METTL8: variants seen among roughly 807,000 people sequenced by gnomAD.
The protein encoded by METTL8 is methyltransferase 8, tRNA N3-cytidine.
In METTL8, 32 loss-of-function variants were observed where a neutral mutation model predicts 48.7. That is an observed-to-expected ratio of 0.66 (90% CI 0.50 to 0.88). The LOEUF is 0.88. METTL8 is among the 40% of genes least tolerant of loss of function. The pLI, the probability that METTL8 is intolerant of heterozygous loss-of-function variation, is 0.00. For synonymous variants in METTL8, 136 were observed against 157.1 expected (o/e 0.87, Z 1.01); for missense variants, 464 against 474.4 (o/e 0.98, Z 0.20).
chr2:171,317,229 A>G lies in METTL8; in HGVS notation c.*6943T>C, dbSNP rs1684304687. On this transcript the variant is annotated 3_prime_UTR_variant, in exon 10 of 10. Transcript: ENST00000375258. ...TCCTCCAGTGTTTTTTGAAACAACCAACACTTGATATATAAAGGTTAACTG... is the reference window on the plus strand; with the variant it reads ...TCCTCCAGTGTTTTTTGAAACAACCGACACTTGATATATAAAGGTTAACTG... Among the ~76,000 whole-genome samples the G allele has an allele frequency of 6.6e-6, 1 of 152,224 alleles. No homozygotes were observed. Among genetic ancestry groups the G allele is most frequent in the Admixed American group, 6.5e-5 (1 of 15,282 alleles).
Position 171,323,441 on chromosome 2 carries a change from C to T in METTL8, c.*731G>A. 1 of 152,466 alleles carries T rather than the reference C, an allele frequency of 6.6e-6. No homozygotes were observed. Among genetic ancestry groups the T allele is most frequent in the Non-Finnish European group, 1.5e-5 (1 of 68,448 alleles). 9.4% of individuals were successfully genotyped at this position (152,466 alleles called of 1,614,324 possible). On this transcript the variant is annotated 3_prime_UTR_variant, in exon 10 of 10. Coordinates refer to ENST00000375258, the MANE Select transcript of METTL8 (RefSeq NM_001321154.2). ...GAGAGACAGGGTTTTGCCATGTTGT[C>T]CAGGCTGGTCTTGAACTCCTGAGCT...
chr2:171,417,706 A>T (rs1691455306), intron 1 of METTL8, among the ~76,000 whole-genome samples: 1 of 152,208 alleles, frequency 6.6e-6, no homozygotes, highest in Non-Finnish European at 1.5e-5. Flanking sequence ...TGCATTTTTA[A>T]AGTAAACTTT....
At chr2:171,426,405 G>A (rs1692422368) in intron 1 of METTL8, among the ~76,000 whole-genome samples, 1 of 152,180 alleles carries the variant, frequency 6.6e-6, no homozygotes, top group African/African-American at 2.4e-5. Flanking sequence ...AAAGAGGAAA[G>A]AGGGATCTGG....
intron 2 of METTL8, among the ~76,000 whole-genome samples, chr2:171,364,173 T>C (rs1013604635): frequency 5.3e-5 from 8 of 152,136 alleles, no homozygotes; most frequent in Admixed American, 2.6e-4. Context: ...AGGGTGAAGA[T>C]TCTAAGTGGT....
chr2:171,395,457 A>C (rs542192031), intron 1 of METTL8, among the ~76,000 whole-genome samples: 1 of 152,238 alleles, frequency 6.6e-6, no homozygotes, highest in Non-Finnish European at 1.5e-5. Flanking sequence ...ACTGTTTATA[A>C]GGCAAGCACT....
chr2:171,429,295 G>A (rs935968845), intron 1 of METTL8, among the ~76,000 whole-genome samples: 15 of 152,170 alleles, frequency 9.9e-5, no homozygotes, highest in Non-Finnish European at 2.1e-4. Flanking sequence ...GGGGACTACT[G>A]TATGTAAATG....
At chr2:171,386,871 T>C (rs112018474) in intron 2 of METTL8, among the ~76,000 whole-genome samples, 66 of 152,158 alleles carry the variant, frequency 4.3e-4, no homozygotes, top group African/African-American at 1.6e-3. Flanking sequence ...CACAGGTGGC[T>C]GGACATGGCG....
chr2:171,352,507 CT>C (rs1355495830), intron 3 of METTL8, among the ~76,000 whole-genome samples: 1 of 152,186 alleles, frequency 6.6e-6, no homozygotes, highest in Non-Finnish European at 1.5e-5. Context: ...AGGATTCCCT[CT>C]TTTTCTATTG....
intron 2 of METTL8, among the ~76,000 whole-genome samples, chr2:171,368,536 T>C (rs1238079517): frequency 6.6e-6 from 1 of 151,780 alleles, no homozygotes; most frequent in African/African-American, 2.4e-5. Context: ...GTTTGATAGG[T>C]TCCCAATACA....
intron 1 of METTL8, among the ~76,000 whole-genome samples, chr2:171,402,350 T>C (rs1015739982): frequency 6.6e-6 from 1 of 152,158 alleles, no homozygotes; most frequent in African/African-American, 2.4e-5. Context: ...CACTGTACTC[T>C]AGTTGATAAA....
rs183332259 is a variant in METTL8 at position 171,352,495 on chromosome 2, G to T, written c.235+7927C>A. The stretch of plus-strand genomic sequence containing the variant: ...ATGCTGGCCTCATAAAATGAGTTAG[G>T]GAGGATTCCCTCTTTTTCTATTGAT... On this transcript the variant is annotated intron_variant, in intron 3 of 9. Transcript: ENST00000375258. Among the ~76,000 whole-genome samples, 393 of 152,246 alleles carry T rather than the reference G, an allele frequency of 2.6e-3. 3 individuals carry two copies. Among genetic ancestry groups the T allele is most frequent in the Non-Finnish European group, 3.3e-3 (226 of 68,016 alleles).
intron 3 of METTL8, among the ~76,000 whole-genome samples, chr2:171,350,941 T>C (rs1438261325): frequency 1.3e-5 from 2 of 152,230 alleles, no homozygotes; most frequent in Admixed American, 6.5e-5. Flanking sequence ...GTAGTTTCTT[T>C]TGCTGTGCAG....
intron 1 of METTL8, 21 bp from the exon 2 acceptor site, chr2:171,392,218 A>C: frequency 6.5e-7 from 1 of 1,540,070 alleles, no homozygotes; most frequent in African/African-American, 1.4e-5. Flanking sequence ...ACAAATGATT[A>C]ATTAGTCAAC....
At chr2:171,434,402 C>G, upstream of METTL8, 1 of 1,133,422 alleles carries the variant, frequency 8.8e-7, no homozygotes, top group African/African-American at 1.5e-5. Flanking sequence ...AGCGGCTCTG[C>G]TTTCCCTCGC....
At chr2:171,392,693 TA>T in intron 1 of METTL8, among the ~76,000 whole-genome samples, 1 of 152,158 alleles carries the variant, frequency 6.6e-6, no homozygotes. Context: ...ATCAGTCAAA[TA>T]AATAAATATT....
intron 3 of METTL8, among the ~76,000 whole-genome samples, chr2:171,341,571 G>A (rs1210124669): frequency 6.8e-6 from 1 of 148,110 alleles, no homozygotes. Flanking sequence ...TTTTTTCCGT[G>A]TTCTTGGGCA....
Position 171,319,538 on chromosome 2 carries a change from T to C in METTL8, c.*4634A>G, listed in dbSNP as rs1684424342. ...GCAGCTATCTGCATATGGGTGAATTTTCACGTACAAGCTAGAGTACAGCAA... is the reference window on the plus strand; with the variant it reads ...GCAGCTATCTGCATATGGGTGAATTCTCACGTACAAGCTAGAGTACAGCAA... On this transcript the variant is annotated 3_prime_UTR_variant, in exon 10 of 10. Transcript: ENST00000375258. 1 of 152,210 alleles carries C rather than the reference T, an allele frequency of 6.6e-6. No homozygotes were observed. Among genetic ancestry groups the C allele is most frequent in the African/African-American group, 2.4e-5 (1 of 41,452 alleles). The allele number at this position is 152,210 out of a possible 1,614,324, so 9.4% of individuals were successfully genotyped here. A position where few individuals can be genotyped will look rare whatever the true frequency, so the allele number is the denominator to read the frequency against.
chr2:171,356,952 A>ATGTTTTTTTTTTTTTTTT, intron 3 of METTL8, among the ~76,000 whole-genome samples: 4,299 of 78,398 alleles, frequency 0.055, 1,560 homozygotes, highest in Middle Eastern at 0.12. Flanking sequence ...CAAAGACAAT[A>ATGTTTTTTTTTTTTTTTT]TTTTTTTTTT....
At chr2:171,375,249 AT>A in intron 2 of METTL8, 1 of 1,146,654 alleles carries the variant, frequency 8.7e-7, no homozygotes. Flanking sequence ...CCTTTTTGGC[AT>A]GACCGTTGTT....
Sources: allele counts gnomAD v4.1 joint callset (sites outside exome capture counted in the v4.1 genomes callset), GRCh38; gene constraint gnomAD v4.1.1; transcripts MANE v1.5; gene names NCBI Gene and HGNC (gene_info 2026-07-23, HGNC 2026-07-21).